Variants in CAMSAP3 observed in about 807,000 individuals in gnomAD.
CAMSAP3 encodes the protein calmodulin regulated spectrin associated protein family member 3.
In CAMSAP3, 34 loss-of-function variants were observed where a neutral mutation model predicts 112.5. The ratio of observed to expected loss-of-function variants is 0.30; its 90% CI spans 0.23 to 0.40. The LOEUF is 0.40. Ranked by LOEUF, CAMSAP3 falls within the 10% of genes least tolerant of loss-of-function variation. The pLI is 1.00. For missense variants in CAMSAP3, 1,602 were observed against 1,770.3 expected (o/e 0.90, Z 1.71); for synonymous variants, 868 against 799.8 (o/e 1.09, Z -1.44).
chr19:7,617,209 GC>G lies in CAMSAP3; in HGVS notation c.3213-114del, dbSNP rs959132584. The G allele has an allele frequency of 6.6e-6, 5 of 753,864 alleles. No homozygotes were observed. The African/African-American group carries it at 8.6e-5, about 13-fold the overall frequency. The allele number at this position is 753,864 out of a possible 1,614,324, so 46.7% of individuals were successfully genotyped here. On this transcript the variant is annotated intron_variant, in intron 14 of 16. Coordinates refer to ENST00000160298, the MANE Select transcript of CAMSAP3 (RefSeq NM_020902.2). This position sits in a 1 kb window ranked among gnomAD's most constrained non-coding sequence, Gnocchi z 7.5. Reference sequence around the variant, plus strand: ...TGGGATTACAGGCATGAGCCACGATGCCCAGCCGTGGCCCTTATTTTCCTTG... The same window carrying G: ...TGGGATTACAGGCATGAGCCACGATGCCAGCCGTGGCCCTTATTTTCCTTG...
chr19:7,596,098 C>T lies in CAMSAP3; in HGVS notation c.96C>T (p.Ala32=), dbSNP rs747035768. The T allele has an allele frequency of 1.6e-6, 2 of 1,268,022 alleles. No individual in the cohort carries two copies. The highest frequency in any genetic ancestry group is 2.0e-6 in the Non-Finnish European group (2 of 978,544). 78.5% of individuals were successfully genotyped at this position (1,268,022 alleles called of 1,614,324 possible). The change falls in exon 1 of 17, where the codon GCC becomes GCT. Residue 32 remains alanine (A), a synonymous_variant. Coordinates refer to ENST00000160298, the MANE Select transcript of CAMSAP3 (RefSeq NM_020902.2). ...KSLDQYDFSR[A]KAAASLAWVL... is the part of the protein sequence containing the mutation. ...TGGACCAGTACGATTTCTCGCGGGC[C>T]AAGGCGGCGGCCAGCCTGGCGTGGG...
chr19:7,605,406 G>A lies in CAMSAP3; in HGVS notation c.329G>A (p.Arg110Gln), dbSNP rs764913923. The change falls in exon 2 of 17, where the codon CGG becomes CAG. Residue 110 changes from arginine to glutamine, a missense_variant. Coordinates refer to ENST00000160298, the MANE Select transcript of CAMSAP3 (RefSeq NM_020902.2). ...TCTGCACTGCTGGCCCTGCTGGCGC[G>A]GAGGGGCACAGTGCCTGCTTTGCCC... ...NPSALLALLA[R>Q]RGTVPALPER... The A allele has an allele frequency of 6.6e-7, 1 of 1,521,266 alleles. No individual in the cohort carries two copies. The highest frequency in any genetic ancestry group is 1.3e-5 in the South Asian group (1 of 79,868). 94.2% of individuals were successfully genotyped at this position (1,521,266 alleles called of 1,614,324 possible).
rs1233085839 is a variant in CAMSAP3, at chr19:7,599,546, CCATT to C, written c.148+3404_148+3407del. On this transcript the variant is annotated intron_variant, in intron 1 of 16. Coordinates refer to ENST00000160298, the MANE Select transcript of CAMSAP3 (RefSeq NM_020902.2). ...CCCACTCATCCATCCTTCCACCCAC[CCATT>C]CATTCATCCATCCATCCATCCATCC... is the stretch of plus-strand genomic sequence containing the variant. Among the ~76,000 whole-genome samples, 450 of 71,516 alleles carry C rather than the reference CCATT, an allele frequency of 6.3e-3. 9 individuals are homozygous for C. Among genetic ancestry groups the C allele is most frequent in the Non-Finnish European group, 0.01 (356 of 34,802 alleles). The allele number at this position is 71,516 out of a possible 152,430, so 46.9% of individuals were successfully genotyped here.
rs2030405567 is a variant in CAMSAP3, at chr19:7,610,245, G to A, written c.761-231G>A. On this transcript the variant is annotated intron_variant, in intron 5 of 16. Coordinates refer to ENST00000160298, the MANE Select transcript of CAMSAP3 (RefSeq NM_020902.2). The surrounding 1 kb of genome is among the most constrained non-coding windows in gnomAD (Gnocchi z 4.9). ...AGGTGGGAGAATCACTTGAACCCGGGAGGCAGAGGTTGCAGTGAGCTGGGA... is the reference window on the plus strand; with the variant it reads ...AGGTGGGAGAATCACTTGAACCCGGAAGGCAGAGGTTGCAGTGAGCTGGGA... Among the ~76,000 whole-genome samples, 1 of 151,652 alleles carries A rather than the reference G, an allele frequency of 6.6e-6. No individual in the cohort carries two copies. Among genetic ancestry groups the A allele is most frequent in the Non-Finnish European group, 1.5e-5 (1 of 67,918 alleles).
chr19:7,617,841 G>C lies in CAMSAP3; in HGVS notation c.3534G>C (p.Glu1178Asp). 1 of 1,613,964 alleles carries C rather than the reference G, an allele frequency of 6.2e-7. No individual in the cohort carries two copies. The highest frequency in any genetic ancestry group is 8.5e-7 in the Non-Finnish European group (1 of 1,180,040). Reference protein sequence around the residue: ...QFRALYTLSGETEELSRLAGY... With the variant: ...QFRALYTLSGDTEELSRLAGY... The stretch of plus-strand genomic sequence containing the variant: ...GGGCGCTCTACACGCTGTCGGGGGA[G>C]ACAGAGGAGCTGTCGCGGCTGGCAG... The change falls in exon 17 of 17, where the codon GAG becomes GAC. Residue 1178 changes from glutamate (E) to aspartate (D), a missense_variant. Transcript: ENST00000160298. This position sits in a 1 kb window ranked among gnomAD's most constrained non-coding sequence, Gnocchi z 7.5.
In CAMSAP3 at chr19:7,605,407, G is replaced by A. The variant is rs750218886; in HGVS notation, c.330G>A (p.Arg110=). Reference sequence around the variant, plus strand: ...CTGCACTGCTGGCCCTGCTGGCGCGGAGGGGCACAGTGCCTGCTTTGCCCG... The same window carrying A: ...CTGCACTGCTGGCCCTGCTGGCGCGAAGGGGCACAGTGCCTGCTTTGCCCG... The part of the protein sequence containing the change: ...NPSALLALLA[R]RGTVPALPER... The change falls in exon 2 of 17, where the codon CGG becomes CGA. Residue 110 remains arginine, a synonymous_variant. Transcript: ENST00000160298. 3.3e-6 allele frequency: 5 copies of A among 1,519,874 alleles called. No individual in the cohort carries two copies. Among genetic ancestry groups the A allele is most frequent in the Non-Finnish European group, 8.9e-7 (1 of 1,129,270 alleles). The allele number at this position is 1,519,874 out of a possible 1,614,324, so 94.1% of individuals were successfully genotyped here. A position where few individuals can be genotyped will look rare whatever the true frequency, so the allele number is the denominator to read the frequency against.
intron 1 of CAMSAP3, among the ~76,000 whole-genome samples, chr19:7,598,957 G>A (rs755372830): frequency 6.6e-6 from 1 of 151,928 alleles, no homozygotes; most frequent in Non-Finnish European, 1.5e-5. Flanking sequence ...TCTGTACAAG[G>A]GGTATAATAA....
intron 2 of CAMSAP3, 44 bp downstream of exon 2, chr19:7,605,523 G>A: frequency 1.4e-6 from 2 of 1,419,458 alleles, no homozygotes; most frequent in Non-Finnish European, 1.8e-6. Context: ...ACCATGCTCA[G>A]CTCCTCCCCT....
chr19:7,618,260 T>G lies in CAMSAP3; in HGVS notation c.*203T>G. 1 of 580,442 alleles carries G rather than the reference T, an allele frequency of 1.7e-6. No homozygotes were observed. Among genetic ancestry groups the G allele is most frequent in the East Asian group, 2.8e-5 (1 of 35,100 alleles). 36.0% of individuals were successfully genotyped at this position (580,442 alleles called of 1,614,324 possible). On this transcript the variant is annotated 3_prime_UTR_variant, in exon 17 of 17. Transcript: ENST00000160298. Reference sequence around the variant, plus strand: ...GGACTCAGGGCTCAGCTCAGTCCCCTTGTCTGTCCTCCCCCACTTCTTGAA... The same window carrying G: ...GGACTCAGGGCTCAGCTCAGTCCCCGTGTCTGTCCTCCCCCACTTCTTGAA...
chr19:7,606,481 C>T lies in CAMSAP3; in HGVS notation c.531C>T (p.Val177=). The T allele has an allele frequency of 1.3e-6, 2 of 1,590,886 alleles. No homozygotes were observed. Among genetic ancestry groups the T allele is most frequent in the South Asian group, 2.2e-5 (2 of 89,580 alleles). Residue 177 remains valine, a synonymous_variant, in exon 4 of 17, where the codon GTC becomes GTT. Coordinates refer to ENST00000160298, the MANE Select transcript of CAMSAP3 (RefSeq NM_020902.2). The part of the protein sequence containing the change: ...HKLLFWVDTT[V]RRLQEKTEQE... ...ACCCCCTCCCTGCCCTCCAGACCGT[C>T]CGGCGGCTGCAGGAGAAGACCGAGC...
Position 7,607,890 on chromosome 19 carries a change from G to A in CAMSAP3, c.622-236G>A, listed in dbSNP as rs1349778586. 2 of 974,964 alleles carry A rather than the reference G, an allele frequency of 2.1e-6. No individual in the cohort carries two copies. 60.4% of individuals were successfully genotyped at this position (974,964 alleles called of 1,614,324 possible). A position where few individuals can be genotyped will look rare whatever the true frequency, so the allele number is the denominator to read the frequency against. ...CATGGTAATGTATCCCCCGCCCCGG[G>A]GTCCCAGGAGTCCCTGTCCCCAGCC... On this transcript the variant is annotated intron_variant, in intron 4 of 16. Coordinates refer to ENST00000160298, the MANE Select transcript of CAMSAP3 (RefSeq NM_020902.2). The surrounding 1 kb of genome is among the most constrained non-coding windows in gnomAD (Gnocchi z 4.9).
Position 7,615,750 on chromosome 19 carries a change from A to G in CAMSAP3, c.3112+31A>G, listed in dbSNP as rs2030750081. The G allele has an allele frequency of 9.9e-6, 11 of 1,107,396 alleles. 1 individual carries two copies. The South Asian group carries it at 2.0e-4, about 20-fold the overall frequency. 68.6% of individuals were successfully genotyped at this position (1,107,396 alleles called of 1,614,324 possible). A position where few individuals can be genotyped will look rare whatever the true frequency, so the allele number is the denominator to read the frequency against. On this transcript the variant is annotated intron_variant, in intron 13 of 16. Coordinates refer to ENST00000160298, the MANE Select transcript of CAMSAP3 (RefSeq NM_020902.2). This position sits in a 1 kb window ranked among gnomAD's most constrained non-coding sequence, Gnocchi z 6.5. ...GACCCTTGGGGGACGGGGCCTGCCC[A>G]GTGCCCTTTCCGGGGCTCACTGGGT... is the stretch of plus-strand genomic sequence containing the variant.
At chr19:7,600,952 A>G (rs2029940186) in intron 1 of CAMSAP3, among the ~76,000 whole-genome samples, 1 of 150,696 alleles carries the variant, frequency 6.6e-6, no homozygotes, top group South Asian at 2.1e-4. Flanking sequence ...TCACCCACCC[A>G]TTCATCCATT....
At position 7,616,560 on chromosome 19, in the gene CAMSAP3, G is replaced by A; in HGVS notation, c.3150G>A (p.Leu1050=). The part of the protein sequence containing the change: ...RLSKIYSQST[L]SLSTVANEAH... ...GCAAAATCTATTCCCAGTCCACCCT[G>A]TCACTGTCCACTGTGGCCAACGAGG... Residue 1050 remains leucine (L), a synonymous_variant, in exon 14 of 17, where the codon CTG becomes CTA. Coordinates refer to ENST00000160298, the MANE Select transcript of CAMSAP3 (RefSeq NM_020902.2). The A allele has an allele frequency of 6.2e-7, 1 of 1,613,198 alleles. No individual in the cohort carries two copies. Among genetic ancestry groups the A allele is most frequent in the Non-Finnish European group, 8.5e-7 (1 of 1,179,876 alleles).
chr19:7,618,049 C>G lies in CAMSAP3; in HGVS notation c.3742C>G (p.Pro1248Ala). The G allele has an allele frequency of 6.2e-7, 1 of 1,611,364 alleles. No homozygotes were observed. The highest frequency in any genetic ancestry group is 8.5e-7 in the Non-Finnish European group (1 of 1,178,818). Residue 1248 changes from proline to alanine, a missense_variant, in exon 17 of 17, where the codon CCC becomes GCC. By Grantham distance (27) the Pro-to-Ala change is conservative. Around this residue, in one of 6 missense-constraint regions of CAMSAP3, gnomAD observed 150 missense variants for 207.6 expected, o/e 0.72. Coordinates refer to ENST00000160298, the MANE Select transcript of CAMSAP3 (RefSeq NM_020902.2). ...CACTCCCAAGAAGGGCGGCGGCACCCCCAAATAGCCCCACCCGGGCGGTCC... is the reference window on the plus strand; with the variant it reads ...CACTCCCAAGAAGGGCGGCGGCACCGCCAAATAGCCCCACCCGGGCGGTCC... ...PTTPKKGGGTPK is the reference protein window; with the variant it reads ...PTTPKKGGGTAK
At chr19:7,613,206 C>CGGGGGCGGGT in intron 11 of CAMSAP3, 43 bp downstream of exon 11, 1 of 48,148 alleles carries the variant, frequency 2.1e-5, no homozygotes, top group South Asian at 6.0e-4. Flanking sequence ...GGGCCTGGGG[C>CGGGGGCGGGT]GGGGGCGGGT....
In CAMSAP3 at chr19:7,610,460, C is replaced by T. The variant is rs200149916; in HGVS notation, c.761-16C>T. On this transcript the variant is annotated splice_polypyrimidine_tract_variant and intron_variant, in intron 5 of 16. Coordinates refer to ENST00000160298, the MANE Select transcript of CAMSAP3 (RefSeq NM_020902.2). This position sits in a 1 kb window ranked among gnomAD's most constrained non-coding sequence, Gnocchi z 4.9. Reference sequence around the variant, plus strand: ...CTCCTCATAGAGTTGGGGACCCACTCCTCCTGTCCCCACAGAGGTGTGCTT... The same window carrying T: ...CTCCTCATAGAGTTGGGGACCCACTTCTCCTGTCCCCACAGAGGTGTGCTT... The T allele has an allele frequency of 2.5e-6, 4 of 1,601,556 alleles. No individual in the cohort carries two copies. In the East Asian group the frequency reaches 6.7e-5, roughly 27 times the overall value.
At position 7,607,487 on chromosome 19, in the gene CAMSAP3, G is replaced by A. The variant is rs1194607677; in HGVS notation, c.622-639G>A. Among the ~76,000 whole-genome samples, 4 of 152,178 alleles carry A rather than the reference G, an allele frequency of 2.6e-5. No homozygotes were observed. The highest frequency in any genetic ancestry group is 2.1e-4 in the South Asian group (1 of 4,832). On this transcript the variant is annotated intron_variant, in intron 4 of 16. Coordinates refer to ENST00000160298, the MANE Select transcript of CAMSAP3 (RefSeq NM_020902.2). The surrounding 1 kb of genome is among the most constrained non-coding windows in gnomAD (Gnocchi z 4.9). ...TGGGGGAGGTTTTGGGCTGGCTGGC[G>A]TCCCCACCTTTGCTCACTCCTTCCC...
intron 2 of CAMSAP3, 115 bp from the exon 3 acceptor site, chr19:7,606,156 A>ACCCCCCCCCCCCCCCCCCCCCCCCCCCC (rs57108239): frequency 4.5e-6 from 1 of 219,858 alleles, no homozygotes; most frequent in Non-Finnish European, 8.8e-6. Context: ...CTCAAGCCCC[A>ACCCCCCCCCCCCCCCCCCCCCCCCCCCC]CCCCCCCCGT....
Sources: gnomAD v4.1 joint callset for allele counts (sites outside exome capture counted in the v4.1 genomes callset) on GRCh38, gnomAD v4.1.1 for gene constraint, gnomAD v4.1.1 regional missense constraint, Gnocchi (gnomAD v3.1) non-coding constraint, MANE v1.5 for transcripts, NCBI Gene and HGNC (gene_info 2026-07-23, HGNC 2026-07-21) for gene names.